The following CCSER1 variants were observed in gnomAD, a reference collection of about 807,000 sequenced individuals.
CCSER1 encodes coiled-coil serine rich protein 1.
A neutral mutation model predicts 82.0 loss-of-function variants in CCSER1; 41 were observed. That is an observed-to-expected ratio of 0.50 (90% CI 0.39 to 0.65). The LOEUF is 0.65. CCSER1 is among the 30% of genes least tolerant of loss of function. The probability of loss-of-function intolerance (pLI) is 0.00; values close to 1 mark genes in which losing one functional copy is unlikely to be tolerated. For missense variants in CCSER1, 1,119 were observed against 1,064.2 expected (o/e 1.05, Z -0.72); for synonymous variants, 414 against 383.9 (o/e 1.08, Z -0.92).
chr4:90,713,441 T>C (rs1280984575), intron 6 of CCSER1, among the ~76,000 whole-genome samples: 2 of 152,072 alleles, frequency 1.3e-5, no homozygotes, highest in Admixed American at 6.6e-5. Flanking sequence ...TGTTGGAAAT[T>C]TTTTTCCTTA....
chr4:90,509,714 C>G (rs1190584413), intron 5 of CCSER1, among the ~76,000 whole-genome samples: 8 of 152,026 alleles, frequency 5.3e-5, no homozygotes. Flanking sequence ...TTTATTAGTT[C>G]CAGTTGCATC....
At chr4:90,483,779 A>G (rs557782350) in intron 5 of CCSER1, among the ~76,000 whole-genome samples, 14 of 152,268 alleles carry the variant, frequency 9.2e-5, no homozygotes, top group African/African-American at 3.1e-4. Context: ...TGGATAACCC[A>G]ACCTTTCTCT....
intron 10 of CCSER1, among the ~76,000 whole-genome samples, chr4:91,183,153 A>G (rs1447070908): frequency 6.6e-6 from 1 of 152,214 alleles, no homozygotes; most frequent in Non-Finnish European, 1.5e-5. Flanking sequence ...TCGGTAAATA[A>G]AGTCATCAGT....
chr4:90,519,904 C>T (rs918345120), intron 5 of CCSER1, among the ~76,000 whole-genome samples: 1 of 151,960 alleles, frequency 6.6e-6, no homozygotes, highest in African/African-American at 2.4e-5. Flanking sequence ...TATTCAAAAA[C>T]ACGGTTTTCT....
Position 90,780,346 on chromosome 4 carries a change from A to G in CCSER1, c.2011-35416A>G, listed in dbSNP as rs182245779. The G allele has an allele frequency of 6.5e-3, 8,004 of 1,238,738 alleles. 29 individuals are homozygous for G. Among genetic ancestry groups the G allele is most frequent in the Non-Finnish European group, 8.0e-3 (7,023 of 875,210 alleles). The allele number at this position is 1,238,738 out of a possible 1,614,324, so 76.7% of individuals were successfully genotyped here. A position where few individuals can be genotyped will look rare whatever the true frequency, so the allele number is the denominator to read the frequency against. ...CTTCCCATCTAAATTATCTTTAAGAACATTTAAGTTTCATTGATGATCCCC... is the reference window on the plus strand; with the variant it reads ...CTTCCCATCTAAATTATCTTTAAGAGCATTTAAGTTTCATTGATGATCCCC... On this transcript the variant is annotated intron_variant, in intron 7 of 10. Transcript: ENST00000509176.
intron 9 of CCSER1, among the ~76,000 whole-genome samples, chr4:90,987,408 T>C (rs1581266274): frequency 6.6e-6 from 1 of 151,582 alleles, no homozygotes; most frequent in Non-Finnish European, 1.5e-5. Flanking sequence ...GACTCTTTTG[T>C]CCTGTTCTAG....
intron 10 of CCSER1, among the ~76,000 whole-genome samples, chr4:91,132,373 G>A: frequency 6.6e-6 from 1 of 152,134 alleles, no homozygotes; most frequent in East Asian, 1.9e-4. Context: ...GTAAACACAT[G>A]AAAAAATGCA....
chr4:91,001,719 C>A (rs1738056453), intron 9 of CCSER1, among the ~76,000 whole-genome samples: 1 of 152,138 alleles, frequency 6.6e-6, no homozygotes, highest in South Asian at 2.1e-4. Context: ...TGCAATTCTG[C>A]ATCTTTTAAG....
At chr4:91,414,382 T>C (rs983534975) in intron 10 of CCSER1, among the ~76,000 whole-genome samples, 3 of 152,092 alleles carry the variant, frequency 2.0e-5, no homozygotes, top group Admixed American at 6.6e-5. Context: ...ACTAAGATGT[T>C]TTATGTAAAC....
chr4:90,153,330 G>A (rs1455173504), intron 1 of CCSER1, among the ~76,000 whole-genome samples: 3 of 151,972 alleles, frequency 2.0e-5, no homozygotes, highest in Admixed American at 1.3e-4. Context: ...ATTGTGAATA[G>A]TGCCGCAATA....
intron 7 of CCSER1, among the ~76,000 whole-genome samples, chr4:90,772,963 A>G (rs1752404575): frequency 6.6e-6 from 1 of 152,180 alleles, no homozygotes. Flanking sequence ...TGTAGAGGCC[A>G]GGCATGTTGG....
chr4:91,028,835 T>A (rs1268949945), intron 9 of CCSER1, among the ~76,000 whole-genome samples: 1 of 152,004 alleles, frequency 6.6e-6, no homozygotes, highest in African/African-American at 2.4e-5. Context: ...AGGGAATGCT[T>A]TTGCATCCAC....
At chr4:90,809,753 G>C (rs1758004844) in intron 7 of CCSER1, among the ~76,000 whole-genome samples, 1 of 151,970 alleles carries the variant, frequency 6.6e-6, no homozygotes. Flanking sequence ...TTAGTTGGAT[G>C]TGGTGGTGCA....
chr4:91,399,662 T>A (rs1037573538), intron 10 of CCSER1, among the ~76,000 whole-genome samples: 10 of 151,942 alleles, frequency 6.6e-5, no homozygotes, highest in Non-Finnish European at 1.2e-4. Flanking sequence ...CTTTTTAACA[T>A]CTCTTTGTGG....
intron 10 of CCSER1, among the ~76,000 whole-genome samples, chr4:91,338,555 A>G (rs922478365): frequency 6.6e-6 from 1 of 152,190 alleles, no homozygotes; most frequent in African/African-American, 2.4e-5. Flanking sequence ...ATTATAATGC[A>G]TAGATACAAC....
intron 10 of CCSER1, among the ~76,000 whole-genome samples, chr4:91,177,178 C>A (rs1200693574): frequency 6.6e-6 from 1 of 152,136 alleles, no homozygotes; most frequent in African/African-American, 2.4e-5. Context: ...CCAACTTGAT[C>A]ATGGTGGATA....
intron 10 of CCSER1, among the ~76,000 whole-genome samples, chr4:91,333,950 C>A (rs1161204861): frequency 1.3e-5 from 2 of 151,854 alleles, no homozygotes; most frequent in Non-Finnish European, 2.9e-5. Flanking sequence ...TTTTTTCTTA[C>A]AATAGAAGCA....
intron 10 of CCSER1, among the ~76,000 whole-genome samples, chr4:91,490,655 C>T (rs1270437858): frequency 8.1e-5 from 12 of 148,246 alleles, no homozygotes; most frequent in Non-Finnish European, 1.6e-4. Flanking sequence ...TTAGGTAGAA[C>T]GAATACGATC....
chr4:90,217,202 G>GT (rs1450214508), intron 1 of CCSER1, among the ~76,000 whole-genome samples: 1 of 151,804 alleles, frequency 6.6e-6, no homozygotes, highest in African/African-American at 2.4e-5. Context: ...ACGTTTTTTT[G>GT]TTTTTTATTT....
Sources: allele counts gnomAD v4.1 joint callset (sites outside exome capture counted in the v4.1 genomes callset), GRCh38; gene constraint gnomAD v4.1.1; transcripts MANE v1.5; gene names NCBI Gene and HGNC (gene_info 2026-07-23, HGNC 2026-07-21).